BCAR3: variants seen among roughly 807,000 people sequenced by gnomAD.
BCAR3 encodes breast cancer anti-estrogen resistance protein 3.
In BCAR3, 37 loss-of-function variants were observed where a neutral mutation model predicts 80.1. That is an observed-to-expected ratio of 0.46 (90% CI 0.36 to 0.61). The LOEUF (loss-of-function observed/expected upper bound fraction) is 0.61. Ranked by LOEUF, BCAR3 falls within the 20% of genes least tolerant of loss-of-function variation. BCAR3 has a pLI of 0.00. For synonymous variants in BCAR3, 389 were observed against 418.9 expected, an observed-to-expected ratio of 0.93 and a Z score of 0.87; for missense variants, 978 against 1,068.2, an observed-to-expected ratio of 0.92 and a Z score of 1.18.
intron 2 of BCAR3, among the ~76,000 whole-genome samples, chr1:93,756,992 T>G (rs1016990129): frequency 2.6e-5 from 4 of 152,234 alleles, no homozygotes; most frequent in African/African-American, 9.6e-5. Context: ...ACTGGCCTCT[T>G]TGGAGTTAGG....
intron 2 of BCAR3, among the ~76,000 whole-genome samples, chr1:93,747,509 C>G (rs116586655): frequency 3.0e-4 from 46 of 151,752 alleles, no homozygotes; most frequent in Non-Finnish European, 4.9e-4. Flanking sequence ...TGAGATTAAA[C>G]GAACCTTGAA....
chr1:93,617,920 C>T (rs984397360), intron 3 of BCAR3, among the ~76,000 whole-genome samples: 1 of 152,208 alleles, frequency 6.6e-6, no homozygotes, highest in Non-Finnish European at 1.5e-5. Context: ...CGCAGCCTTG[C>T]TTCTCAAGAC....
chr1:93,672,562 C>T (rs1265170907), intron 2 of BCAR3, among the ~76,000 whole-genome samples: 1 of 152,208 alleles, frequency 6.6e-6, no homozygotes, highest in Non-Finnish European at 1.5e-5. Flanking sequence ...CAGAAGTTAC[C>T]TGTCTTTGCT....
intron 2 of BCAR3, among the ~76,000 whole-genome samples, chr1:93,669,266 A>G (rs750083017): frequency 2.0e-5 from 3 of 152,344 alleles, no homozygotes; most frequent in Non-Finnish European, 4.4e-5. Flanking sequence ...AGGAATAACT[A>G]AAACCATTTT....
At chr1:93,847,619 G>A (rs1440889869), upstream of BCAR3, 1 of 152,642 alleles carries the variant, frequency 6.6e-6, no homozygotes, top group Non-Finnish European at 1.5e-5. Flanking sequence ...AGAGGCTGAA[G>A]GCATTCAAAG....
intron 3 of BCAR3, among the ~76,000 whole-genome samples, chr1:93,622,894 G>A (rs576075568): frequency 1.3e-5 from 2 of 152,336 alleles, no homozygotes; most frequent in East Asian, 1.9e-4. Context: ...ATGGGTGGAA[G>A]GGCTGGGTGG....
intron 2 of BCAR3, 138 bp downstream of exon 2, chr1:93,674,476 T>A: frequency 1.1e-6 from 1 of 951,916 alleles, no homozygotes; most frequent in Non-Finnish European, 1.5e-6. Flanking sequence ...GGTCTCAAAC[T>A]CCTAACCTCA....
chr1:93,610,987 C>T (rs143914751), intron 3 of BCAR3, among the ~76,000 whole-genome samples: 10 of 152,182 alleles, frequency 6.6e-5, no homozygotes, highest in African/African-American at 1.9e-4. Context: ...TAGTTCCCCA[C>T]GAAATGATTC....
chr1:93,668,357 C>A (rs778043635), intron 2 of BCAR3, among the ~76,000 whole-genome samples: 1 of 152,158 alleles, frequency 6.6e-6, no homozygotes, highest in African/African-American at 2.4e-5. Context: ...GGTAGATCTG[C>A]AGGCACTTCC....
At chr1:93,642,237 C>T (rs1342349387) in intron 3 of BCAR3, 67 bp downstream of exon 3, 1 of 1,531,506 alleles carries the variant, frequency 6.5e-7, no homozygotes, top group East Asian at 2.2e-5. Context: ...TATTTAGCAA[C>T]TCTGTGTTCC....
chr1:93,696,221 C>T (rs961248222), intron 3 of BCAR3, among the ~76,000 whole-genome samples: 2 of 152,108 alleles, frequency 1.3e-5, no homozygotes, highest in African/African-American at 2.4e-5. Context: ...TTAGTTTTCA[C>T]ATCCAAATGG....
intron 2 of BCAR3, among the ~76,000 whole-genome samples, chr1:93,647,319 G>C (rs1013852350): frequency 2.0e-5 from 3 of 152,168 alleles, no homozygotes; most frequent in Non-Finnish European, 4.4e-5. Flanking sequence ...CTGTCTTAGA[G>C]ATGCACCTCC....
intron 2 of BCAR3, among the ~76,000 whole-genome samples, chr1:93,653,872 A>C (rs1471949261): frequency 6.6e-6 from 1 of 152,236 alleles, no homozygotes; most frequent in Non-Finnish European, 1.5e-5. Flanking sequence ...AACATGGTAC[A>C]TTTGGGGGAC....
chr1:93,707,827 G>C (rs914184281), intron 2 of BCAR3, among the ~76,000 whole-genome samples: 2 of 152,222 alleles, frequency 1.3e-5, no homozygotes, highest in Non-Finnish European at 2.9e-5. Flanking sequence ...TTAAATGCTT[G>C]TATGGATATG....
chr1:93,678,026 A>G (rs930302873), intron 1 of BCAR3, among the ~76,000 whole-genome samples: 1 of 152,202 alleles, frequency 6.6e-6, no homozygotes, highest in Admixed American at 6.5e-5. Flanking sequence ...TAAGGACCAA[A>G]GCAAGGAATG....
At chr1:93,750,600 G>T (rs1651525493) in intron 2 of BCAR3, among the ~76,000 whole-genome samples, 1 of 149,954 alleles carries the variant, frequency 6.7e-6, no homozygotes, top group Non-Finnish European at 1.5e-5. Context: ...GTCAGAAAAG[G>T]TGATTCTGCT....
At chr1:93,588,721 G>C (rs1174551427) in intron 5 of BCAR3, among the ~76,000 whole-genome samples, 1 of 142,352 alleles carries the variant, frequency 7.0e-6, no homozygotes, top group South Asian at 2.2e-4. Flanking sequence ...CATCAGACCA[G>C]CCTAAGTCTA....
Position 93,591,013 on chromosome 1 carries a change from G to A in BCAR3, c.486+1252C>T, listed in dbSNP as rs527253040. ...ATGTATGTACACAAAAGTATTCATC[G>A]TGGTTATCCCCAGGAGAATTATGAG... On this transcript the variant is annotated intron_variant, in intron 4 of 11. Coordinates refer to ENST00000260502, the MANE Select transcript of BCAR3 (RefSeq NM_003567.4). Among the ~76,000 whole-genome samples, 17 of 152,084 alleles carry A rather than the reference G, an allele frequency of 1.1e-4. 1 individual carries two copies. The highest frequency in any genetic ancestry group is 4.2e-4 in the South Asian group (2 of 4,806).
intron 3 of BCAR3, among the ~76,000 whole-genome samples, chr1:93,603,103 C>T (rs1485987578): frequency 1.3e-5 from 2 of 152,240 alleles, no homozygotes; most frequent in South Asian, 2.1e-4. Context: ...ATGCTAATAA[C>T]TGTGATTAAA....
Sources: allele counts gnomAD v4.1 joint callset (sites outside exome capture counted in the v4.1 genomes callset), GRCh38; gene constraint gnomAD v4.1.1; transcripts MANE v1.5; gene names NCBI Gene and HGNC (gene_info 2026-07-23, HGNC 2026-07-21).